Variants in SSX2IP observed in about 807,000 individuals in gnomAD.
SSX2IP encodes the protein afadin- and alpha-actinin-binding protein.
A neutral mutation model predicts 84.9 loss-of-function variants in SSX2IP; 55 were observed. That is an observed-to-expected ratio of 0.65 (90% CI 0.52 to 0.81). The LOEUF (loss-of-function observed/expected upper bound fraction) is 0.81. SSX2IP is among the 30% of genes least tolerant of loss of function. The pLI is 0.00. For synonymous variants in SSX2IP, 239 were observed against 234.7 expected, an observed-to-expected ratio of 1.02 and a Z score of -0.17; for missense variants, 664 against 705.2, an observed-to-expected ratio of 0.94 and a Z score of 0.66.
At position 84,651,415 on chromosome 1, in the gene SSX2IP, C is replaced by T. The variant is rs1439473369; in HGVS notation, c.1504+468G>A. Among the ~76,000 whole-genome samples the T allele has an allele frequency of 2.6e-5, 4 of 152,166 alleles. 1 individual carries two copies. The highest frequency in any genetic ancestry group is 6.3e-3 in the Middle Eastern group (2 of 316). ...AGTCCCCCTCTCATCCTCACTTTCA[C>T]TACAGTAAATAAAATATTAAAGTTG... On this transcript the variant is annotated intron_variant, in intron 12 of 13. Transcript: ENST00000342203.
intron 6 of SSX2IP, among the ~76,000 whole-genome samples, chr1:84,663,152 T>C (rs1283907683): frequency 1.3e-5 from 2 of 152,198 alleles, no homozygotes. Flanking sequence ...TCAAAGCCCC[T>C]GATAGTAGTA....
chr1:84,656,282 C>G (rs1651108730), intron 10 of SSX2IP, 66 bp downstream of exon 10: 1 of 1,498,210 alleles, frequency 6.7e-7, no homozygotes, highest in African/African-American at 1.4e-5. Context: ...GAATACAAAT[C>G]TGGTAAGGTT....
chr1:84,650,237 C>T, intron 13 of SSX2IP, 125 bp downstream of exon 13: 1 of 898,972 alleles, frequency 1.1e-6, no homozygotes, highest in Non-Finnish European at 1.8e-6. Context: ...ATGAATAAAT[C>T]ATCTACTAAA....
chr1:84,672,050 A>G lies in SSX2IP; in HGVS notation c.-89-742T>C, dbSNP rs1653655330. On this transcript the variant is annotated intron_variant, in intron 1 of 13. Coordinates refer to ENST00000342203, the MANE Select transcript of SSX2IP (RefSeq NM_001166293.2). ...AATTAGGATGGCAAACAAACAGCCA[A>G]AACTACAAATGAATGGTATGGACTA... Among the ~76,000 whole-genome samples the G allele has an allele frequency of 2.0e-5, 3 of 152,250 alleles. No homozygotes were observed. The South Asian group carries it at 6.2e-4, about 31-fold the overall frequency.
At chr1:84,682,094 G>A (rs1352020367) in intron 1 of SSX2IP, among the ~76,000 whole-genome samples, 10 of 152,140 alleles carry the variant, frequency 6.6e-5, no homozygotes, top group South Asian at 6.2e-4. Flanking sequence ...GTGCATTTCC[G>A]CTTCAAGAGA....
intron 1 of SSX2IP, among the ~76,000 whole-genome samples, chr1:84,686,359 T>C (rs1655788347): frequency 6.6e-6 from 1 of 152,188 alleles, no homozygotes; most frequent in African/African-American, 2.4e-5. Flanking sequence ...TGGTGACAAG[T>C]ACACAAAAGG....
In SSX2IP at chr1:84,662,345, C is replaced by T; in HGVS notation, c.780G>A (p.Leu260=). The change falls in exon 8 of 14, where the codon TTG becomes TTA. Residue 260 remains leucine, a synonymous_variant. Coordinates refer to ENST00000342203, the MANE Select transcript of SSX2IP (RefSeq NM_001166293.2). ...GTTTCTGACGATATTCATAATCATT[C>T]AAGAGAATTTTATACATTTCATCTT... is the stretch of plus-strand genomic sequence containing the variant. ...RNEDEMYKIL[L]NDYEYRQKQI... is the part of the protein sequence containing the mutation. 1 of 1,607,992 alleles carries T rather than the reference C, an allele frequency of 6.2e-7. No individual in the cohort carries two copies. The highest frequency in any genetic ancestry group is 8.5e-7 in the Non-Finnish European group (1 of 1,177,928).
At chr1:84,658,260 AAATC>A in intron 9 of SSX2IP, 54 bp downstream of exon 9, 1 of 1,596,154 alleles carries the variant, frequency 6.3e-7, no homozygotes, top group South Asian at 1.1e-5. Flanking sequence ...AAGTGACTAA[AAATC>A]AACACCTTAC....
In SSX2IP at chr1:84,646,559, T is replaced by A. The variant is rs962892083; in HGVS notation, c.*874A>T. 6.6e-6 allele frequency: 1 copy of A among 152,588 alleles called. No homozygotes were observed. The highest frequency in any genetic ancestry group is 1.5e-5 in the Non-Finnish European group (1 of 68,000). The allele number at this position is 152,588 out of a possible 1,614,324, so 9.5% of individuals were successfully genotyped here. On this transcript the variant is annotated 3_prime_UTR_variant, in exon 14 of 14. Transcript: ENST00000342203. ...TAGATATCTTAAATATCTTCTATCA[T>A]CCAATATCTTAAACCAATTTCTTAA... is the stretch of plus-strand genomic sequence containing the variant.
Position 84,644,987 on chromosome 1 carries a change from AT to A in SSX2IP, c.*2445del, listed in dbSNP as rs1649307232. On this transcript the variant is annotated 3_prime_UTR_variant, in exon 14 of 14. Transcript: ENST00000342203. ...ATGCAAACATTTAATGGTGAACAAA[AT>A]GTTTATCTCAATTTTTCTTTGACAT... 6.6e-6 allele frequency: 1 copy of A among 152,234 alleles called. No individual in the cohort carries two copies. Among genetic ancestry groups the A allele is most frequent in the East Asian group, 1.9e-4 (1 of 5,202 alleles). The allele number at this position is 152,234 out of a possible 1,614,324, so 9.4% of individuals were successfully genotyped here.
chr1:84,686,677 C>G (rs1482844190), intron 1 of SSX2IP, among the ~76,000 whole-genome samples: 1 of 152,108 alleles, frequency 6.6e-6, no homozygotes, highest in East Asian at 1.9e-4. Context: ...CAGACCCAGA[C>G]ACAAGAGATA....
intron 4 of SSX2IP, among the ~76,000 whole-genome samples, chr1:84,669,278 GC>G (rs1653192778): frequency 6.6e-6 from 1 of 151,834 alleles, no homozygotes; most frequent in Admixed American, 6.6e-5. Context: ...TAATTATTGA[GC>G]CTTAGCTCAT....
chr1:84,667,684 C>G (rs1215322225), intron 4 of SSX2IP, among the ~76,000 whole-genome samples: 1 of 152,104 alleles, frequency 6.6e-6, no homozygotes, highest in Non-Finnish European at 1.5e-5. Flanking sequence ...ATCGCAGCCC[C>G]AACAGAGATA....
intron 1 of SSX2IP, among the ~76,000 whole-genome samples, chr1:84,683,165 A>G (rs1432114312): frequency 6.6e-6 from 1 of 151,050 alleles, no homozygotes; most frequent in South Asian, 2.1e-4. Context: ...TTTTTTTTTA[A>G]GTTTTGGGAT....
intron 11 of SSX2IP, among the ~76,000 whole-genome samples, chr1:84,654,385 G>GA (rs1291362932): frequency 6.6e-6 from 1 of 151,332 alleles, no homozygotes; most frequent in African/African-American, 2.4e-5. Context: ...AGTTTTGAAG[G>GA]AAAAAAAACT....
In SSX2IP at chr1:84,671,254, G is replaced by T. The variant is rs368276124; in HGVS notation, c.-35C>A. 3 of 1,604,242 alleles carry T rather than the reference G, an allele frequency of 1.9e-6. No homozygotes were observed. In the African/African-American group the frequency reaches 4.0e-5, roughly 22 times the overall value. On this transcript the variant is annotated 5_prime_UTR_variant, in exon 2 of 14. Coordinates refer to ENST00000342203, the MANE Select transcript of SSX2IP (RefSeq NM_001166293.2). ...TAGAGCCAGGATACCTGAGGAACTA[G>T]TTCAGCAGTTAAACATTTAGTCTAG...
chr1:84,661,670 T>C (rs1012640948), intron 8 of SSX2IP, among the ~76,000 whole-genome samples: 11 of 152,200 alleles, frequency 7.2e-5, no homozygotes, highest in African/African-American at 2.7e-4. Flanking sequence ...TTATATTTGT[T>C]TCCCAAAGTT....
intron 11 of SSX2IP, among the ~76,000 whole-genome samples, chr1:84,654,902 T>C (rs1650854004): frequency 6.6e-6 from 1 of 151,614 alleles, no homozygotes; most frequent in Non-Finnish European, 1.5e-5. Flanking sequence ...GCAAGAGAGG[T>C]AGAACAAGAG....
At chr1:84,648,626 T>C (rs72952162) in intron 13 of SSX2IP, among the ~76,000 whole-genome samples, 2,430 of 152,292 alleles carry the variant, frequency 0.016, 58 homozygotes, top group African/African-American at 0.05. Flanking sequence ...ATAAAAACAA[T>C]TGAGACAACT....
Sources: gnomAD v4.1 joint callset for allele counts (sites outside exome capture counted in the v4.1 genomes callset) on GRCh38, gnomAD v4.1.1 for gene constraint, MANE v1.5 for transcripts, NCBI Gene and HGNC (gene_info 2026-07-23, HGNC 2026-07-21) for gene names.